MTRR: variants seen among roughly 807,000 people sequenced by gnomAD.
The protein encoded by MTRR is 5-methyltetrahydrofolate-homocysteine methyltransferase reductase.
Under a neutral mutation model 79.2 loss-of-function variants are expected in MTRR, and 63 were observed. The ratio of observed to expected loss-of-function variants is 0.80; its 90% CI spans 0.65 to 0.98. The LOEUF is 0.98. MTRR is among the 50% of genes least tolerant of loss of function. The probability of loss-of-function intolerance (pLI) is 0.00; values close to 1 mark genes in which losing one functional copy is unlikely to be tolerated. For missense variants in MTRR, 895 were observed against 839.6 expected (o/e 1.07, Z -0.82); for synonymous variants, 355 against 313.3 (o/e 1.13, Z -1.41).
rs1231145473 is a variant in MTRR, at chr5:7,883,834, G to A, written c.903+557G>A. Among the ~76,000 whole-genome samples, 6 of 152,164 alleles carry A rather than the reference G, an allele frequency of 3.9e-5. No homozygotes were observed. In the East Asian group the frequency reaches 7.7e-4, roughly 20 times the overall value. On this transcript the variant is annotated intron_variant, in intron 6 of 14. Transcript: ENST00000440940. ...GATCAGAACAGCATTTTATATATAA[G>A]AGGCCCAGGAAAGGAAGCTGTCCAC...
rs370237742 is a variant in MTRR at position 7,869,159 on chromosome 5, G to A, written c.-82G>A. 6.2e-7 allele frequency: 1 copy of A among 1,612,840 alleles called. No homozygotes were observed. Among genetic ancestry groups the A allele is most frequent in the African/African-American group, 1.3e-5 (1 of 74,938 alleles). ...ATGGGCGCTGCGTCAGTGCGCGCTGGCGCAAGGTTGGTGGAAGTCGCGTTG... is the reference window on the plus strand; with the variant it reads ...ATGGGCGCTGCGTCAGTGCGCGCTGACGCAAGGTTGGTGGAAGTCGCGTTG... On this transcript the variant is annotated 5_prime_UTR_variant, in exon 1 of 15. Coordinates refer to ENST00000440940, the MANE Select transcript of MTRR (RefSeq NM_002454.3).
intron 1 of MTRR, among the ~76,000 whole-genome samples, chr5:7,860,253 T>G (rs1226164769): frequency 6.6e-6 from 1 of 152,234 alleles, no homozygotes; most frequent in African/African-American, 2.4e-5. Flanking sequence ...GAAACCACAG[T>G]GCTGCCTAGT....
At chr5:7,885,896 G>C in intron 7 of MTRR, 42 bp downstream of exon 7, 3 of 1,613,024 alleles carry the variant, frequency 1.9e-6, no homozygotes, top group Non-Finnish European at 2.5e-6. Flanking sequence ...TTGTGGGCCA[G>C]TGGACTGGAG....
At chr5:7,853,088 G>T (rs1167156280) in intron 1 of MTRR, among the ~76,000 whole-genome samples, 4 of 152,172 alleles carry the variant, frequency 2.6e-5, no homozygotes, top group Non-Finnish European at 4.4e-5. Context: ...TGGAGATATG[G>T]TTAGGCTTTG....
chr5:7,895,512 TACA>T (rs1738353551), intron 11 of MTRR, among the ~76,000 whole-genome samples: 1 of 152,218 alleles, frequency 6.6e-6, no homozygotes, highest in Non-Finnish European at 1.5e-5. Context: ...TATCATTTTT[TACA>T]ACATTTTTTA....
At position 7,888,998 on chromosome 5, in the gene MTRR, G is replaced by T. The variant is rs1341494712; in HGVS notation, c.1147-97G>T. On this transcript the variant is annotated intron_variant, in intron 8 of 14. Coordinates refer to ENST00000440940, the MANE Select transcript of MTRR (RefSeq NM_002454.3). ...CTAGTGGCTTTCTCATTTTTTCTTG[G>T]GTAATTGGGTGCATCCCTAGGCAGA... 3.6e-6 allele frequency: 5 copies of T among 1,402,484 alleles called. No homozygotes were observed. In the African/African-American group the frequency reaches 7.1e-5, roughly 20 times the overall value. 86.9% of individuals were successfully genotyped at this position (1,402,484 alleles called of 1,614,324 possible).
chr5:7,857,905 A>C (rs1294776176), intron 1 of MTRR, among the ~76,000 whole-genome samples: 2 of 152,204 alleles, frequency 1.3e-5, no homozygotes, highest in East Asian at 3.8e-4. Context: ...AACAGGGAAA[A>C]GCTTGCAATG....
intron 1 of MTRR, chr5:7,859,481 T>A: frequency 6.2e-7 from 1 of 1,607,596 alleles, no homozygotes; most frequent in South Asian, 1.1e-5. Flanking sequence ...CAGTTTTCTT[T>A]GTAAATATTC....
At chr5:7,891,808 C>T (rs760451149) in intron 10 of MTRR, among the ~76,000 whole-genome samples, 10 of 151,952 alleles carry the variant, frequency 6.6e-5, no homozygotes, top group South Asian at 4.2e-4. Flanking sequence ...TTTGGGAGGC[C>T]GAGGCGGGCG....
intron 7 of MTRR, among the ~76,000 whole-genome samples, chr5:7,886,385 C>A (rs894042074): frequency 1.3e-5 from 2 of 151,852 alleles, no homozygotes; most frequent in African/African-American, 4.8e-5. Flanking sequence ...ATTTTCCTTT[C>A]TTTTATTTGG....
chr5:7,883,377 G>C (rs1213614395), intron 6 of MTRR, 100 bp downstream of exon 6: 11 of 1,486,254 alleles, frequency 7.4e-6, no homozygotes, highest in Non-Finnish European at 7.4e-6. Context: ...TGTGCTGCTT[G>C]GTTACATATG....
upstream of MTRR, chr5:7,867,744 C>G: frequency 6.2e-7 from 1 of 1,614,176 alleles, no homozygotes; most frequent in South Asian, 1.1e-5. Context: ...CTTAGCACTT[C>G]TTCTGATGAA....
rs146645840 is a variant in MTRR at position 7,876,348 on chromosome 5, A to G, written c.401+973A>G. Among the ~76,000 whole-genome samples the G allele has an allele frequency of 9.1e-4, 139 of 152,282 alleles. 1 individual carries two copies. The highest frequency in any genetic ancestry group is 1.7e-3 in the Non-Finnish European group (113 of 68,022). On this transcript the variant is annotated intron_variant, in intron 4 of 14. Transcript: ENST00000440940. ...TATTGAGCTTTTTTCTTTTGCCAGA[A>G]GCTCATTGACATTAAATGCTCAGTC...
chr5:7,869,248 C>A, intron 1 of MTRR, 33 bp downstream of exon 1: 1 of 1,600,410 alleles, frequency 6.2e-7, no homozygotes, highest in Non-Finnish European at 8.5e-7. Flanking sequence ...TTCCCGGATT[C>A]CGGCCGCTCG....
chr5:7,867,821 T>C, upstream of MTRR: 1 of 1,614,214 alleles, frequency 6.2e-7, no homozygotes, highest in Admixed American at 1.7e-5. Context: ...TTCAAGCCTG[T>C]CGCAGTCAGA....
intron 5 of MTRR, among the ~76,000 whole-genome samples, chr5:7,881,187 C>T (rs1561202742): frequency 6.6e-6 from 1 of 151,984 alleles, no homozygotes; most frequent in African/African-American, 2.4e-5. Context: ...TGTGTTCTGC[C>T]CTCCTCAATT....
Position 7,899,970 on chromosome 5 carries a change from A to G in MTRR, c.2009A>G (p.Lys670Arg), listed in dbSNP as rs1246446669. 12 of 1,614,074 alleles carry G rather than the reference A, an allele frequency of 7.4e-6. No individual in the cohort carries two copies. Among genetic ancestry groups the G allele is most frequent in the Non-Finnish European group, 1.0e-5 (12 of 1,180,040 alleles). The change falls in exon 15 of 15, where the codon AAA (lysine) becomes AGA (arginine). Residue 670 changes from lysine (K) to arginine (R), a missense_variant. Lys to Arg is a conservative substitution (Grantham distance 26). Transcript: ENST00000440940. ...VHDALVQIISKEVGVEKLEAM... is the reference protein window; with the variant it reads ...VHDALVQIISREVGVEKLEAM... ...GATGCCCTTGTGCAAATAATAAGCA[A>G]AGAGGTTGGAGTTGAAAAACTAGAA...
At chr5:7,865,055 G>A (rs545065692), upstream of MTRR, among the ~76,000 whole-genome samples, 5 of 152,152 alleles carry the variant, frequency 3.3e-5, no homozygotes, top group East Asian at 5.8e-4. Context: ...CACTGGCCTC[G>A]AGGGATGGCC....
rs1485675458 is a variant in MTRR, at chr5:7,883,402, G to T, written c.903+125G>T. The stretch of plus-strand genomic sequence containing the variant: ...GGTTACATATGCTGAGTTGTGTGCG[G>T]CTTGGTTACATGTGCTGAGTTGTGT... On this transcript the variant is annotated intron_variant, in intron 6 of 14. Coordinates refer to ENST00000440940, the MANE Select transcript of MTRR (RefSeq NM_002454.3). 2.3e-6 allele frequency: 3 copies of T among 1,300,400 alleles called. No individual in the cohort carries two copies. In the African/African-American group the frequency reaches 4.5e-5, roughly 19 times the overall value. 80.6% of individuals were successfully genotyped at this position (1,300,400 alleles called of 1,614,324 possible).
Sources: allele counts gnomAD v4.1 joint callset (sites outside exome capture counted in the v4.1 genomes callset), GRCh38; gene constraint gnomAD v4.1.1; transcripts MANE v1.5; gene names NCBI Gene and HGNC (gene_info 2026-07-23, HGNC 2026-07-21).